The following FGFR1OP2 variants were observed in gnomAD, a reference collection of about 807,000 sequenced individuals.
The protein encoded by FGFR1OP2 is fibroblast growth factor receptor 1 oncogene partner 2.
A neutral mutation model predicts 35.2 loss-of-function variants in FGFR1OP2; 17 were observed. That is an observed-to-expected ratio of 0.48 (90% CI 0.33 to 0.73). The LOEUF is 0.73. FGFR1OP2 is among the 30% of genes least tolerant of loss of function. FGFR1OP2 has a pLI of 0.02. For synonymous variants in FGFR1OP2, 105 were observed against 104.6 expected (o/e 1.00, Z -0.03); for missense variants, 251 against 307.3 (o/e 0.82, Z 1.37).
chr12:26,942,294 G>A (rs891294614), intron 1 of FGFR1OP2, among the ~76,000 whole-genome samples: 1 of 152,158 alleles, frequency 6.6e-6, no homozygotes, highest in African/African-American at 2.4e-5. Flanking sequence ...GCCTCCCAAA[G>A]TGCTGGGATT....
chr12:26,957,765 A>AG lies in FGFR1OP2; in HGVS notation c.396+22_396+23insG, dbSNP rs774359847. 9 of 1,568,684 alleles carry AG rather than the reference A, an allele frequency of 5.7e-6. No individual in the cohort carries two copies. In the East Asian group the frequency reaches 1.6e-4, roughly 28 times the overall value. On this transcript the variant is annotated intron_variant, in intron 4 of 6. Transcript: ENST00000229395. ...CAAGGTAATCCATTCTATAAATGTG[A>AG]CCTGAAATGGAAAAGAGAGACGATT...
chr12:26,951,793 G>T (rs1275364024), intron 1 of FGFR1OP2, among the ~76,000 whole-genome samples: 2 of 152,110 alleles, frequency 1.3e-5, no homozygotes, highest in Non-Finnish European at 2.9e-5. Flanking sequence ...GTTTTATTTG[G>T]AAACAGATCC....
At position 26,960,564 on chromosome 12, in the gene FGFR1OP2, C is replaced by G; in HGVS notation, c.446C>G (p.Ser149Cys). Residue 149 changes from serine to cysteine, a missense_variant, in exon 5 of 7, where the codon TCT becomes TGT. Coordinates refer to ENST00000229395, the MANE Select transcript of FGFR1OP2 (RefSeq NM_015633.3). ...TCCGAAGGATTCTTCCTTGATGCAT[C>G]TCGACACATCCTTGAAGCACCTCAA... ...NKSEGFFLDA[S>C]RHILEAPQHG... is the part of the protein sequence containing the mutation. 3 of 1,613,590 alleles carry G rather than the reference C, an allele frequency of 1.9e-6. No homozygotes were observed. The highest frequency in any genetic ancestry group is 2.7e-5 in the African/African-American group (2 of 75,014).
At chr12:26,939,166 C>T (rs993665450) in intron 1 of FGFR1OP2, among the ~76,000 whole-genome samples, 9 of 152,126 alleles carry the variant, frequency 5.9e-5, no homozygotes, top group African/African-American at 2.2e-4. Context: ...CAGTATCTGT[C>T]CTGCTATCCG....
In FGFR1OP2 at chr12:26,942,125, C is replaced by T. The variant is rs367737165; in HGVS notation, c.-15+3415C>T. Among the ~76,000 whole-genome samples the T allele has an allele frequency of 1.2e-3, 179 of 152,298 alleles. 1 individual carries two copies. The highest frequency in any genetic ancestry group is 4.0e-3 in the African/African-American group (165 of 41,554). On this transcript the variant is annotated intron_variant, in intron 1 of 6. Transcript: ENST00000229395. ...TCGGCTCACTGCATCCTCCACCTTC[C>T]GGGCTCAAGCAGTTCTCCTGCCTCA...
intron 6 of FGFR1OP2, among the ~76,000 whole-genome samples, chr12:26,963,775 G>C (rs936112393): frequency 6.6e-6 from 1 of 151,854 alleles, no homozygotes; most frequent in African/African-American, 2.4e-5. Context: ...AGTGATACAG[G>C]GAAATTTTTT....
chr12:26,957,543 G>T, intron 3 of FGFR1OP2, 58 bp from the exon 4 acceptor site: 1 of 1,494,708 alleles, frequency 6.7e-7, no homozygotes, highest in South Asian at 1.2e-5. Context: ...TAGTGGAAGA[G>T]AATATTTTGT....
chr12:26,948,288 C>G (rs541279737), intron 1 of FGFR1OP2, among the ~76,000 whole-genome samples: 1 of 152,278 alleles, frequency 6.6e-6, no homozygotes, highest in East Asian at 1.9e-4. Context: ...AAGTTTCCTT[C>G]TGATAACACT....
intron 1 of FGFR1OP2, among the ~76,000 whole-genome samples, chr12:26,946,801 A>G (rs866046484): frequency 6.6e-6 from 1 of 152,236 alleles, no homozygotes; most frequent in African/African-American, 2.4e-5. Flanking sequence ...AAGAAACCGT[A>G]TGTTCATTAA....
chr12:26,946,619 ATAT>A (rs377363497), intron 1 of FGFR1OP2, among the ~76,000 whole-genome samples: 43 of 152,302 alleles, frequency 2.8e-4, no homozygotes, highest in African/African-American at 1.0e-3. Flanking sequence ...ACCTTGTCTG[ATAT>A]TATATAGCCA....
At chr12:26,964,550 T>TA (rs1565852917) in intron 6 of FGFR1OP2, 46 bp from the exon 7 acceptor site, 1 of 1,586,228 alleles carries the variant, frequency 6.3e-7, no homozygotes, top group South Asian at 1.1e-5. Flanking sequence ...ATGTTGTAGC[T>TA]ACCTTGTAGA....
rs1484290907 is a variant in FGFR1OP2, at chr12:26,938,621, AG to A, written c.-103del. On this transcript the variant is annotated 5_prime_UTR_variant, in exon 1 of 7. Transcript: ENST00000229395. ...GAGGAGGCGGATTAGGGGGGCGCGG[AG>A]TCTCTTCCCTTGAGTGCATAGGTCC... The A allele has an allele frequency of 6.6e-6, 1 of 152,298 alleles. No homozygotes were observed. Among genetic ancestry groups the A allele is most frequent in the African/African-American group, 2.4e-5 (1 of 41,420 alleles). 9.4% of individuals were successfully genotyped at this position (152,298 alleles called of 1,614,324 possible).
chr12:26,953,194 G>A (rs527923813), intron 1 of FGFR1OP2, among the ~76,000 whole-genome samples: 23 of 150,708 alleles, frequency 1.5e-4, no homozygotes, highest in Non-Finnish European at 3.1e-4. Context: ...AACCTGGGAG[G>A]TGGAGCTTGC....
Position 26,959,072 on chromosome 12 carries a change from T to G in FGFR1OP2, c.396+1329T>G, listed in dbSNP as rs150655847. Among the ~76,000 whole-genome samples the G allele has an allele frequency of 1.6e-3, 245 of 152,246 alleles. 1 individual carries two copies. Among genetic ancestry groups the G allele is most frequent in the African/African-American group, 5.6e-3 (231 of 41,578 alleles). The stretch of plus-strand genomic sequence containing the variant: ...GTACGTGTTTTTAACTTATTAGTAA[T>G]TAATTCTATTAGAATTAAATACCTA... On this transcript the variant is annotated intron_variant, in intron 4 of 6. Transcript: ENST00000229395.
intron 3 of FGFR1OP2, among the ~76,000 whole-genome samples, chr12:26,957,192 A>G (rs897391510): frequency 2.0e-5 from 3 of 152,086 alleles, no homozygotes; most frequent in African/African-American, 4.8e-5. Flanking sequence ...CCATTCCTTC[A>G]CTTTTCAACT....
At chr12:26,957,798 C>T in intron 4 of FGFR1OP2, 55 bp downstream of exon 4, 1 of 1,459,016 alleles carries the variant, frequency 6.9e-7, no homozygotes, top group Non-Finnish European at 9.1e-7. Flanking sequence ...ATTGATTATT[C>T]TGTGTTCAGA....
At chr12:26,953,201 T>C (rs1195015783) in intron 1 of FGFR1OP2, among the ~76,000 whole-genome samples, 2 of 147,762 alleles carry the variant, frequency 1.4e-5, no homozygotes, top group East Asian at 4.0e-4. Context: ...GAGGTGGAGC[T>C]TGCAGTGAGC....
chr12:26,950,198 G>A (rs1441747564), intron 1 of FGFR1OP2, among the ~76,000 whole-genome samples: 1 of 108,714 alleles, frequency 9.2e-6, no homozygotes, highest in South Asian at 3.6e-4. Context: ...CCATCAAGTA[G>A]TTAATGTATT....
In FGFR1OP2 at chr12:26,963,351, G is replaced by T; in HGVS notation, c.520G>T (p.Ala174Ser). Residue 174 changes from alanine to serine, a missense_variant, in exon 6 of 7, where the codon GCA (alanine) becomes TCA (serine). Ala to Ser is a moderately conservative substitution (Grantham distance 99). Transcript: ENST00000229395. ...CATCCCTCTTTTTCAGGAACTGCAA[G>T]CACATGTTGACCAGATAACTGAAAT... ...HLEANQNELQ[A>S]HVDQITEMAA... The T allele has an allele frequency of 6.3e-7, 1 of 1,598,984 alleles. No individual in the cohort carries two copies.
Sources: gnomAD v4.1 joint callset for allele counts (sites outside exome capture counted in the v4.1 genomes callset) on GRCh38, gnomAD v4.1.1 for gene constraint, MANE v1.5 for transcripts, NCBI Gene and HGNC (gene_info 2026-07-23, HGNC 2026-07-21) for gene names.